C1orf87: variants seen among roughly 807,000 people sequenced by gnomAD.
C1orf87 encodes uncharacterized protein C1orf87.
C1orf87 carries 58 observed loss-of-function variants against 60.5 expected under a neutral mutation model. The observed-to-expected ratio is 0.96, with a 90% CI of 0.78 to 1.19. The LOEUF is 1.19. C1orf87 is among the 50% of genes most tolerant of loss of function. C1orf87 has a pLI of 0.00. For synonymous variants in C1orf87, 236 were observed against 227.4 expected (o/e 1.04, Z -0.34); for missense variants, 673 against 638.6 (o/e 1.05, Z -0.58).
intron 6 of C1orf87, among the ~76,000 whole-genome samples, chr1:60,036,746 T>G (rs1399289860): frequency 1.3e-5 from 2 of 152,184 alleles, no homozygotes; most frequent in Non-Finnish European, 2.9e-5. Context: ...TTGGCAAACA[T>G]GAAAATATTA....
At chr1:60,049,586 G>A (rs1645398584) in intron 3 of C1orf87, among the ~76,000 whole-genome samples, 1 of 152,036 alleles carries the variant, frequency 6.6e-6, no homozygotes, top group East Asian at 1.9e-4. Context: ...CCCTTATGGT[G>A]AAAATAATCA....
intron 8 of C1orf87, among the ~76,000 whole-genome samples, chr1:60,018,928 G>A (rs1645141691): frequency 6.6e-6 from 1 of 152,124 alleles, no homozygotes; most frequent in Non-Finnish European, 1.5e-5. Context: ...TAGAATATAA[G>A]TTTCATGAGG....
At chr1:60,030,575 G>A (rs763370095) in intron 7 of C1orf87, among the ~76,000 whole-genome samples, 1 of 152,252 alleles carries the variant, frequency 6.6e-6, no homozygotes, top group Non-Finnish European at 1.5e-5. Flanking sequence ...AGGCAGGTTT[G>A]GGAGCAATTT....
rs1473480023 is a variant in C1orf87 at position 60,064,998 on chromosome 1, AATATTAAATAT to A, written c.107+7528_107+7538del. Among the ~76,000 whole-genome samples, 50 of 17,066 alleles carry A rather than the reference AATATTAAATAT, an allele frequency of 2.9e-3. 1 individual carries two copies. Among genetic ancestry groups the A allele is most frequent in the African/African-American group, 4.5e-3 (25 of 5,496 alleles). 11.2% of individuals were successfully genotyped at this position (17,066 alleles called of 152,430 possible). A position where few individuals can be genotyped will look rare whatever the true frequency, so the allele number is the denominator to read the frequency against. On this transcript the variant is annotated intron_variant, in intron 2 of 11. Transcript: ENST00000371201. ...AAATATTTATTATAAAATACATATA[AATATTAAATAT>A]ATATTAAATATATATATTTAATATA...
intron 7 of C1orf87, among the ~76,000 whole-genome samples, chr1:60,026,003 C>T (rs1456312336): frequency 6.6e-6 from 1 of 152,112 alleles, no homozygotes; most frequent in South Asian, 2.1e-4. Flanking sequence ...GGAACTTAGT[C>T]TAGAAACCAG....
chr1:60,039,812 A>AAAGTTATTTGCAAGAAAGTAGCT (rs1645305684), intron 5 of C1orf87, 105 bp downstream of exon 5: 9 of 1,295,706 alleles, frequency 6.9e-6, no homozygotes, highest in Non-Finnish European at 8.5e-6. Flanking sequence ...GTCAGGGATA[A>AAAGTTATTTGCAAGAAAGTAGCT]AAGTTATTTG....
chr1:59,992,262 A>AT (rs1169779540), intron 11 of C1orf87, among the ~76,000 whole-genome samples: 1 of 141,230 alleles, frequency 7.1e-6, no homozygotes, highest in Non-Finnish European at 1.6e-5. Flanking sequence ...TTATTTATTT[A>AT]TTTTTTATTT....
At chr1:60,048,615 G>A (rs372345233) in intron 3 of C1orf87, among the ~76,000 whole-genome samples, 63 of 152,044 alleles carry the variant, frequency 4.1e-4, no homozygotes, top group African/African-American at 7.7e-4. Flanking sequence ...AAACATTTGC[G>A]TGGTTGCAAA....
At chr1:60,026,691 A>C (rs1645200290) in intron 7 of C1orf87, among the ~76,000 whole-genome samples, 1 of 152,194 alleles carries the variant, frequency 6.6e-6, no homozygotes, top group Non-Finnish European at 1.5e-5. Context: ...TACATAAAAA[A>C]ATGAATATAT....
intron 5 of C1orf87, among the ~76,000 whole-genome samples, chr1:60,038,313 T>C (rs772162665): frequency 2.6e-5 from 4 of 152,158 alleles, no homozygotes; most frequent in Non-Finnish European, 4.4e-5. Flanking sequence ...TACTTCCTGG[T>C]TGTCTTCTGG....
Position 60,022,109 on chromosome 1 carries a change from ATT to A in C1orf87, c.1127+3290_1127+3291del, listed in dbSNP as rs60437294. 7.1e-4 allele frequency among the ~76,000 whole-genome samples: 98 copies of A among 138,120 alleles called. No individual in the cohort carries two copies. The Middle Eastern group carries it at 0.012, about 16-fold the overall frequency. The allele number at this position is 138,120 out of a possible 152,430, so 90.6% of individuals were successfully genotyped here. On this transcript the variant is annotated intron_variant, in intron 8 of 11. Coordinates refer to ENST00000371201, the MANE Select transcript of C1orf87 (RefSeq NM_152377.3). ...GGAGCAACTCTTATAGAGGACTTTG[ATT>A]TTTTTTTTTTTTTTTTGCCTTCTAC...
At chr1:60,012,938 G>A (rs681128) in intron 8 of C1orf87, among the ~76,000 whole-genome samples, 79,689 of 151,952 alleles carry the variant, frequency 0.52, 21,216 homozygotes, top group South Asian at 0.61. Flanking sequence ...GGACACAGCT[G>A]TAGTGTCTTC....
chr1:60,033,766 CCT>C, intron 6 of C1orf87, 125 bp from the exon 7 acceptor site: 1 of 1,059,078 alleles, frequency 9.4e-7, no homozygotes, highest in Non-Finnish European at 1.3e-6. Flanking sequence ...CTACGTAGGC[CCT>C]CTCAGTCTTG....
Position 60,040,277 on chromosome 1 carries a change from T to G in C1orf87, c.484-97A>C. ...AGGCACACTGGGGCTGGTATCTGAGTGTCCACTCGCAGTCCTGGCCTGGAG... is the reference window on the plus strand; with the variant it reads ...AGGCACACTGGGGCTGGTATCTGAGGGTCCACTCGCAGTCCTGGCCTGGAG... On this transcript the variant is annotated intron_variant, in intron 4 of 11. Coordinates refer to ENST00000371201, the MANE Select transcript of C1orf87 (RefSeq NM_152377.3). 4 of 1,462,464 alleles carry G rather than the reference T, an allele frequency of 2.7e-6. No individual in the cohort carries two copies. In the South Asian group the frequency reaches 4.1e-5, roughly 15 times the overall value. 90.6% of individuals were successfully genotyped at this position (1,462,464 alleles called of 1,614,324 possible). A position where few individuals can be genotyped will look rare whatever the true frequency, so the allele number is the denominator to read the frequency against.
intron 9 of C1orf87, among the ~76,000 whole-genome samples, chr1:60,006,520 G>A (rs1002850282): frequency 3.3e-5 from 5 of 151,976 alleles, no homozygotes; most frequent in African/African-American, 1.2e-4. Context: ...GGGTGTCAAT[G>A]AGCCTCTTAC....
intron 6 of C1orf87, among the ~76,000 whole-genome samples, chr1:60,037,151 G>T (rs774843289): frequency 6.6e-6 from 1 of 152,172 alleles, no homozygotes; most frequent in Admixed American, 6.5e-5. Context: ...ATTCTGCATC[G>T]GGTGAGGTGT....
chr1:60,033,624 G>A lies in C1orf87; in HGVS notation c.881C>T (p.Ser294Phe). The A allele has an allele frequency of 6.2e-7, 1 of 1,612,762 alleles. No homozygotes were observed. Among genetic ancestry groups the A allele is most frequent in the Non-Finnish European group, 8.5e-7 (1 of 1,179,358 alleles). The change falls in exon 7 of 12, where the codon TCC becomes TTC. Residue 294 changes from serine (S) to phenylalanine (F), a missense_variant. Physicochemically the swap from Ser to Phe is radical, Grantham distance 155. Transcript: ENST00000371201. Reference sequence around the variant, plus strand: ...CCTGTTCACTTCTGGCTGTGAGCTGGAGTGCTGAGGTGGAGTGCTGATTGT... The same window carrying A: ...CCTGTTCACTTCTGGCTGTGAGCTGAAGTGCTGAGGTGGAGTGCTGATTGT... ...THSQSTPPQH[S>F]SSQPEVNRSL...
chr1:60,056,199 G>T (rs962856596), intron 2 of C1orf87, among the ~76,000 whole-genome samples: 1 of 151,904 alleles, frequency 6.6e-6, no homozygotes, highest in Non-Finnish European at 1.5e-5. Context: ...AGCCGAGATC[G>T]CACCACTAGA....
chr1:60,010,299 C>A, intron 9 of C1orf87, 93 bp downstream of exon 9: 1 of 1,157,050 alleles, frequency 8.6e-7, no homozygotes, highest in Non-Finnish European at 1.3e-6. Context: ...GAGATGAAAC[C>A]CAACAAGCAA....
Sources: gnomAD v4.1 joint callset for allele counts (sites outside exome capture counted in the v4.1 genomes callset) on GRCh38, gnomAD v4.1.1 for gene constraint, MANE v1.5 for transcripts, NCBI Gene and HGNC (gene_info 2026-07-23, HGNC 2026-07-21) for gene names.